TACC2: variants seen among roughly 807,000 people sequenced by gnomAD.
The protein encoded by TACC2 is transforming acidic coiled-coil containing protein 2, also known as transforming acidic coiled-coil-containing protein 2.
TACC2 carries 137 observed loss-of-function variants against 227.3 expected under a neutral mutation model. That is an observed-to-expected ratio of 0.60 (90% CI 0.52 to 0.69). TACC2 has a LOEUF of 0.69. TACC2 is among the 30% of genes least tolerant of loss of function. TACC2 has a pLI of 0.00. For missense variants in TACC2, 3,470 were observed against 3,694.4 expected, an observed-to-expected ratio of 0.94 and a Z score of 1.57; for synonymous variants, 1,523 against 1,487.5, an observed-to-expected ratio of 1.02 and a Z score of -0.55.
chr10:122,210,284 T>G lies in TACC2; in HGVS notation c.5972-113T>G. On this transcript the variant is annotated intron_variant, in intron 8 of 22. Transcript: ENST00000369005. This position sits in a 1 kb window ranked among gnomAD's most constrained non-coding sequence, Gnocchi z 4.6. Reference sequence around the variant, plus strand: ...ACACACAGTGATGGGCGGGGTGGCCTGGGGCCGTGGTTTGTCAACCCCTAC... The same window carrying G: ...ACACACAGTGATGGGCGGGGTGGCCGGGGGCCGTGGTTTGTCAACCCCTAC... 1.2e-6 allele frequency: 1 copy of G among 821,334 alleles called. No individual in the cohort carries two copies. The highest frequency in any genetic ancestry group is 2.0e-6 in the Non-Finnish European group (1 of 491,902). The allele number at this position is 821,334 out of a possible 1,614,324, so 50.9% of individuals were successfully genotyped here. A position where few individuals can be genotyped will look rare whatever the true frequency, so the allele number is the denominator to read the frequency against.
At position 122,244,028 on chromosome 10, in the gene TACC2, G is replaced by A. The variant is rs574867419; in HGVS notation, c.8392+2027G>A. On this transcript the variant is annotated intron_variant, in intron 19 of 22. Coordinates refer to ENST00000369005, the MANE Select transcript of TACC2 (RefSeq NM_206862.4). Reference sequence around the variant, plus strand: ...GTCATGACAGAAAGATTACTCCCACGGTTTCCTCAAAGAATATCTGCAGGT... The same window carrying A: ...GTCATGACAGAAAGATTACTCCCACAGTTTCCTCAAAGAATATCTGCAGGT... Among the ~76,000 whole-genome samples the A allele has an allele frequency of 1.3e-4, 20 of 152,306 alleles. No homozygotes were observed. In the East Asian group the frequency reaches 3.9e-3, roughly 29 times the overall value.
In TACC2 at chr10:122,086,623, G is replaced by A. The variant is rs139901847; in HGVS notation, c.4123G>A (p.Glu1375Lys). ...AGCAGGAGAGACAGAGGGCAGCATG[G>A]AGAGGATGGGAGAGCCTTCCCAGGA... is the stretch of plus-strand genomic sequence containing the variant. ...DAAGETEGSM[E>K]RMGEPSQDPK... Residue 1375 changes from glutamate to lysine, a missense_variant, in exon 4 of 23, where the codon GAG (glutamate) becomes AAG (lysine). By Grantham distance (56) the Glu-to-Lys change is moderately conservative. This residue lies in a region of TACC2 where 1,924 missense variants were observed against 1,978.3 expected (regional missense o/e 0.97). Transcript: ENST00000369005. 1.1e-5 allele frequency: 18 copies of A among 1,599,680 alleles called. No homozygotes were observed. In the African/African-American group the frequency reaches 2.1e-4, roughly 19 times the overall value.
chr10:122,249,504 C>A, intron 21 of TACC2, 40 bp from the exon 22 acceptor site: 1 of 1,603,128 alleles, frequency 6.2e-7, no homozygotes, highest in Non-Finnish European at 8.5e-7. Context: ...CTCTAGTGAT[C>A]CACAAAAGAG....
At chr10:122,186,101 G>A (rs1334214297) in intron 7 of TACC2, among the ~76,000 whole-genome samples, 2 of 151,698 alleles carry the variant, frequency 1.3e-5, no homozygotes, top group African/African-American at 4.8e-5. Context: ...GCTAATTTTT[G>A]TATTTTTAGT....
chr10:122,116,441 A>G (rs969183511), intron 5 of TACC2, among the ~76,000 whole-genome samples: 24 of 152,266 alleles, frequency 1.6e-4, no homozygotes, highest in Admixed American at 1.1e-3. Context: ...GAATTTATAG[A>G]CAAAGATCCT....
intron 3 of TACC2, chr10:122,051,017 C>T (rs1218705912): frequency 1.2e-5 from 2 of 161,844 alleles, no homozygotes; most frequent in African/African-American, 4.8e-5. Flanking sequence ...TCCCAGAAAC[C>T]AACTGTGGCA....
chr10:122,050,393 A>G lies in TACC2; in HGVS notation c.34-45A>G. On this transcript the variant is annotated intron_variant, in intron 2 of 22. Transcript: ENST00000369005. The surrounding 1 kb of genome is among the most constrained non-coding windows in gnomAD (Gnocchi z 4.6). ...GATAAATGTTTTTGTGTTTTCAGAG[A>G]CTCCTATCTGATTTCCTTTCCAATT... The G allele has an allele frequency of 2.0e-6, 3 of 1,476,062 alleles. No homozygotes were observed. The highest frequency in any genetic ancestry group is 2.8e-6 in the Non-Finnish European group (3 of 1,060,566). The allele number at this position is 1,476,062 out of a possible 1,614,324, so 91.4% of individuals were successfully genotyped here. A position where few individuals can be genotyped will look rare whatever the true frequency, so the allele number is the denominator to read the frequency against.
rs550102736 is a variant in TACC2 at position 122,016,857 on chromosome 10, C to T, written c.-45-5080C>T. 7.9e-5 allele frequency among the ~76,000 whole-genome samples: 12 copies of T among 152,256 alleles called. No homozygotes were observed. The South Asian group carries it at 1.9e-3, about 24-fold the overall frequency. ...GATTGCCTTTGGAGATAAGACCTTTCAAGAGGTAATTAAGGTAAAATGAAG... is the reference window on the plus strand; with the variant it reads ...GATTGCCTTTGGAGATAAGACCTTTTAAGAGGTAATTAAGGTAAAATGAAG... On this transcript the variant is annotated intron_variant, in intron 1 of 22. Transcript: ENST00000369005.
At chr10:122,042,417 A>G (rs1437668009) in intron 2 of TACC2, among the ~76,000 whole-genome samples, 1 of 151,578 alleles carries the variant, frequency 6.6e-6, no homozygotes, top group African/African-American at 2.4e-5. Context: ...TAATTTTTCT[A>G]TTTTTAGTAG....
chr10:122,076,516 ATGT>A (rs1565221263), intron 3 of TACC2, among the ~76,000 whole-genome samples: 1 of 152,188 alleles, frequency 6.6e-6, no homozygotes, highest in African/African-American at 2.4e-5. Context: ...AGCAGTGATG[ATGT>A]TATGTTAGGA....
intron 7 of TACC2, among the ~76,000 whole-genome samples, chr10:122,148,502 GT>G (rs1296057995): frequency 3.9e-5 from 6 of 152,200 alleles, no homozygotes; most frequent in African/African-American, 1.2e-4. Flanking sequence ...TGGAGCCAGC[GT>G]GCCTTCTGGG....
At chr10:122,192,356 G>C (rs1236683986) in intron 7 of TACC2, 1 of 271,410 alleles carries the variant, frequency 3.7e-6, no homozygotes, top group Non-Finnish European at 7.4e-6. Context: ...GAATTCAGGG[G>C]CTAGAACCGA....
chr10:122,011,269 T>A (rs559415521), intron 1 of TACC2, among the ~76,000 whole-genome samples: 94 of 152,256 alleles, frequency 6.2e-4, no homozygotes, highest in African/African-American at 2.1e-3. Flanking sequence ...GCAGCCAAAC[T>A]GGGGAGAAAG....
At chr10:122,081,613 T>C (rs923936322) in intron 3 of TACC2, among the ~76,000 whole-genome samples, 5 of 152,030 alleles carry the variant, frequency 3.3e-5, no homozygotes, top group Non-Finnish European at 7.4e-5. Flanking sequence ...AGCCATTTTA[T>C]AATAACTGGA....
At chr10:122,159,023 G>T (rs1294104389) in intron 7 of TACC2, among the ~76,000 whole-genome samples, 1 of 152,232 alleles carries the variant, frequency 6.6e-6, no homozygotes, top group Non-Finnish European at 1.5e-5. Context: ...AAAGCGCCAA[G>T]GCATCAATAT....
chr10:122,152,646 G>A (rs370695217), intron 7 of TACC2, among the ~76,000 whole-genome samples: 10 of 152,298 alleles, frequency 6.6e-5, no homozygotes, highest in East Asian at 3.9e-4. Context: ...AGCTTGTCCC[G>A]AGGTTGGCAC....
chr10:122,059,208 A>T (rs3862116), intron 3 of TACC2, among the ~76,000 whole-genome samples: 1 of 151,516 alleles, frequency 6.6e-6, no homozygotes, highest in Admixed American at 6.6e-5. Flanking sequence ...GAGCCACCAC[A>T]CCCGGGCTCC....
chr10:122,104,343 T>C (rs1435792112), intron 5 of TACC2, among the ~76,000 whole-genome samples: 3 of 152,202 alleles, frequency 2.0e-5, no homozygotes, highest in African/African-American at 7.2e-5. Context: ...TACTTACTTA[T>C]TAAAAATGGC....
Position 122,087,583 on chromosome 10 carries a change from C to G in TACC2, c.5083C>G (p.Pro1695Ala), listed in dbSNP as rs779332914. The G allele has an allele frequency of 1.2e-5, 19 of 1,613,668 alleles. No homozygotes were observed. The South Asian group carries it at 1.5e-4, about 13-fold the overall frequency. ...TGEVADTPLE[P>A]GKVAGAAGEA... ...AGAAGTGGCAGACACTCCCCTGGAG[C>G]CTGGCAAGGTGGCAGGCGCTGCTGG... is the stretch of plus-strand genomic sequence containing the variant. The change falls in exon 4 of 23, where the codon CCT (proline) becomes GCT (alanine). Residue 1695 changes from proline (P) to alanine (A), a missense_variant. Physicochemically the swap from Pro to Ala is conservative, Grantham distance 27. Coordinates refer to ENST00000369005, the MANE Select transcript of TACC2 (RefSeq NM_206862.4).
Sources: allele counts gnomAD v4.1 joint callset (sites outside exome capture counted in the v4.1 genomes callset), GRCh38; gene constraint gnomAD v4.1.1; regional missense constraint gnomAD v4.1.1; non-coding constraint Gnocchi (gnomAD v3.1); transcripts MANE v1.5; gene names NCBI Gene and HGNC (gene_info 2026-07-23, HGNC 2026-07-21).